The following SLC30A7 variants were observed in gnomAD, a reference collection of about 807,000 sequenced individuals.
The protein encoded by SLC30A7 is zinc transporter 7.
In SLC30A7, 35 loss-of-function variants were observed where a neutral mutation model predicts 46.0. The ratio of observed to expected loss-of-function variants is 0.76; its 90% CI spans 0.58 to 1.01. The LOEUF (loss-of-function observed/expected upper bound fraction) is 1.01, where lower values mean the gene tolerates loss of function less well. SLC30A7 is among the 50% of genes least tolerant of loss of function. SLC30A7 has a pLI of 0.00. For synonymous variants in SLC30A7, 147 were observed against 157.8 expected (o/e 0.93, Z 0.51); for missense variants, 464 against 451.1 (o/e 1.03, Z -0.26).
intron 3 of SLC30A7, among the ~76,000 whole-genome samples, chr1:100,907,565 G>A (rs758746294): frequency 6.6e-6 from 1 of 151,994 alleles, no homozygotes; most frequent in Non-Finnish European, 1.5e-5. Flanking sequence ...TGAGTTCATA[G>A]AATATTTTGC....
intron 8 of SLC30A7, 105 bp downstream of exon 8, chr1:100,921,946 CTTGCTTTTTT>C: frequency 1.5e-6 from 1 of 673,960 alleles, no homozygotes; most frequent in Non-Finnish European, 2.2e-6. Context: ...TTTTCCTTTG[CTTGCTTTTTT>C]TTTTTTTTTT....
chr1:100,912,746 C>T lies in SLC30A7; in HGVS notation c.511+508C>T, dbSNP rs115421985. Among the ~76,000 whole-genome samples the T allele has an allele frequency of 4.7e-3, 716 of 151,562 alleles. 9 individuals are homozygous for T. The highest frequency in any genetic ancestry group is 0.016 in the African/African-American group (679 of 41,320). On this transcript the variant is annotated intron_variant, in intron 5 of 10. Coordinates refer to ENST00000357650, the MANE Select transcript of SLC30A7 (RefSeq NM_133496.5). ...AAAACAAAAAAAACAGGCATGATGG[C>T]GCATTCCTGTAGTCTTAGCCACTCA...
In SLC30A7 at chr1:100,913,805, T is replaced by C; in HGVS notation, c.654T>C (p.His218=). Residue 218 remains histidine, a splice_region_variant and synonymous_variant, in exon 6 of 11, where the codon CAT becomes CAC. Transcript: ENST00000357650. ...HAHGHGHFHS[H]DGPSLKETTG... is the part of the protein sequence containing the mutation. ...ATGGACATGGACACTTTCATTCTCA[T>C]GGTGAGTACAGCCTAGAGACAAATG... The C allele has an allele frequency of 6.2e-7, 1 of 1,613,844 alleles. No individual in the cohort carries two copies. Among genetic ancestry groups the C allele is most frequent in the South Asian group, 1.1e-5 (1 of 91,054 alleles).
intron 8 of SLC30A7, among the ~76,000 whole-genome samples, chr1:100,961,152 G>C (rs1180481145): frequency 6.6e-6 from 1 of 150,962 alleles, no homozygotes; most frequent in Non-Finnish European, 1.5e-5. Context: ...TAGTGGAGAC[G>C]GGGTTTCACC....
chr1:100,956,260 CTT>C (rs1475123300), intron 8 of SLC30A7, among the ~76,000 whole-genome samples: 1 of 151,746 alleles, frequency 6.6e-6, no homozygotes, highest in Non-Finnish European at 1.5e-5. Context: ...TCTAAATTTC[CTT>C]TTAATTCTAA....
intron 6 of SLC30A7, among the ~76,000 whole-genome samples, chr1:100,915,241 CTTTCTTTCTTTCTTCCTTT>C (rs1557981453): frequency 4.6e-5 from 4 of 87,144 alleles, no homozygotes; most frequent in African/African-American, 1.8e-4. Context: ...TTCTTTCTTT[CTTTCTTTCTTTCTTCCTTT>C]CTTTCTTTCT....
intron 8 of SLC30A7, among the ~76,000 whole-genome samples, chr1:100,923,960 T>G (rs1653120455): frequency 6.6e-6 from 1 of 152,180 alleles, no homozygotes; most frequent in South Asian, 2.1e-4. Context: ...TAGTGTTCAC[T>G]TAACTGCTTC....
downstream of SLC30A7, among the ~76,000 whole-genome samples, chr1:100,984,045 T>G (rs748876850): frequency 1.4e-4 from 21 of 152,236 alleles, no homozygotes; most frequent in Non-Finnish European, 3.1e-4. Context: ...AAGGCAAAGT[T>G]ACTACATTTG....
intron 3 of SLC30A7, among the ~76,000 whole-genome samples, chr1:100,910,088 T>G (rs978911745): frequency 3.1e-4 from 47 of 152,252 alleles, no homozygotes; most frequent in African/African-American, 1.1e-3. Context: ...CAGGACAAAC[T>G]CCAACATAAC....
chr1:100,990,636 TA>T, the SLC30A7 span: 2,620 of 1,431,418 alleles, frequency 1.8e-3, 3 homozygotes, highest in Admixed American at 0.011. Flanking sequence ...TAACTGCTAT[TA>T]AAAAAAAAAG....
At chr1:100,915,251 T>TCC (rs1322533618) in intron 6 of SLC30A7, among the ~76,000 whole-genome samples, 4 of 146,084 alleles carry the variant, frequency 2.7e-5, no homozygotes, top group African/African-American at 5.1e-5. Flanking sequence ...CTTTCTTTCT[T>TCC]TCTTCCTTTC....
At chr1:100,948,819 T>G (rs892806034) in intron 8 of SLC30A7, among the ~76,000 whole-genome samples, 4 of 152,244 alleles carry the variant, frequency 2.6e-5, no homozygotes, top group African/African-American at 9.6e-5. Flanking sequence ...TTCTTCCACT[T>G]GATCAAATTG....
intron 2 of SLC30A7, among the ~76,000 whole-genome samples, chr1:100,898,252 C>G (rs1427996228): frequency 1.3e-5 from 2 of 152,122 alleles, no homozygotes; most frequent in Non-Finnish European, 2.9e-5. Context: ...ATATCTCATT[C>G]AAGAGATTCA....
At chr1:100,987,476 C>T in the SLC30A7 span, among the ~76,000 whole-genome samples, 1 of 152,104 alleles carries the variant, frequency 6.6e-6, no homozygotes, top group African/African-American at 2.4e-5. Context: ...CATCTCTATG[C>T]TACGGTTAAA....
At chr1:100,912,402 G>C (rs891610789) in intron 5 of SLC30A7, among the ~76,000 whole-genome samples, 164 bp downstream of exon 5, 2 of 152,022 alleles carry the variant, frequency 1.3e-5, no homozygotes, top group Non-Finnish European at 2.9e-5. Flanking sequence ...CTCCATCTCA[G>C]TGCCTTCTCA....
At chr1:100,929,795 A>G (rs1302742250) in intron 8 of SLC30A7, among the ~76,000 whole-genome samples, 1 of 152,058 alleles carries the variant, frequency 6.6e-6, no homozygotes, top group Non-Finnish European at 1.5e-5. Context: ...ATTGTGATGA[A>G]TTTTGTTTTG....
intron 8 of SLC30A7, among the ~76,000 whole-genome samples, chr1:100,937,453 G>T (rs1457504927): frequency 6.6e-6 from 1 of 152,152 alleles, no homozygotes; most frequent in African/African-American, 2.4e-5. Flanking sequence ...TTTCTGTTTT[G>T]TTTTGTTTTT....
chr1:100,985,260 T>G (rs1048219464), downstream of SLC30A7, among the ~76,000 whole-genome samples: 1 of 152,200 alleles, frequency 6.6e-6, no homozygotes, highest in Non-Finnish European at 1.5e-5. Flanking sequence ...TGAAGGAAGA[T>G]CTGAAGAAAT....
the SLC30A7 span, among the ~76,000 whole-genome samples, chr1:100,994,620 A>G: frequency 2.6e-5 from 4 of 151,268 alleles, no homozygotes; most frequent in Admixed American, 1.3e-4. Context: ...TCTGCCTCCC[A>G]GATTCAAGCG....
Sources: allele counts gnomAD v4.1 joint callset (sites outside exome capture counted in the v4.1 genomes callset), GRCh38; gene constraint gnomAD v4.1.1; transcripts MANE v1.5; gene names NCBI Gene and HGNC (gene_info 2026-07-23, HGNC 2026-07-21).